CCT2: variants seen among roughly 807,000 people sequenced by gnomAD.
CCT2 encodes the protein chaperonin containing TCP1 subunit 2.
A neutral mutation model predicts 61.8 loss-of-function variants in CCT2; 18 were observed. That is an observed-to-expected ratio of 0.29 (90% CI 0.20 to 0.43). The LOEUF (loss-of-function observed/expected upper bound fraction) is 0.43, where lower values mean the gene tolerates loss of function less well. Ranked by LOEUF, CCT2 falls within the 20% of genes least tolerant of loss-of-function variation. The pLI is 1.00. For synonymous variants in CCT2, 248 were observed against 215.9 expected (o/e 1.15, Z -1.30); for missense variants, 556 against 656.9 (o/e 0.85, Z 1.68).
intron 2 of CCT2, 45 bp downstream of exon 2, chr12:69,586,389 C>T (rs1045065569): frequency 1.4e-6 from 2 of 1,392,032 alleles, no homozygotes; most frequent in Middle Eastern, 1.8e-4. Flanking sequence ...AACTGGAGGC[C>T]AGGCGCGGTG....
At chr12:69,597,875 AT>A in intron 12 of CCT2, 92 bp from the exon 13 acceptor site, 1 of 1,426,016 alleles carries the variant, frequency 7.0e-7, no homozygotes, top group Non-Finnish European at 9.7e-7. Flanking sequence ...TTTGCACTAA[AT>A]TTTAAAATGC....
intron 15 of CCT2, among the ~76,000 whole-genome samples, chr12:69,600,722 C>T (rs959560924): frequency 2.0e-5 from 3 of 152,164 alleles, no homozygotes; most frequent in Admixed American, 6.5e-5. Flanking sequence ...TAATGCTGTA[C>T]TCTTTGATCT....
chr12:69,597,363 A>AT, intron 11 of CCT2, 88 bp downstream of exon 11: 1 of 1,452,910 alleles, frequency 6.9e-7, no homozygotes, highest in Non-Finnish European at 9.5e-7. Context: ...CTAGAATAGC[A>AT]TATCTTACAA....
chr12:69,598,272 G>A (rs1882048891), intron 13 of CCT2, 50 bp from the exon 14 acceptor site: 1 of 1,319,910 alleles, frequency 7.6e-7, no homozygotes, highest in Non-Finnish European at 1.1e-6. Context: ...GAGTAAATCA[G>A]TGGTTCTTAC....
intron 10 of CCT2, among the ~76,000 whole-genome samples, chr12:69,594,406 G>GAACA (rs1243438240): frequency 6.6e-6 from 1 of 152,136 alleles, no homozygotes; most frequent in Non-Finnish European, 1.5e-5. Context: ...AAAAATTTCT[G>GAACA]AAAGTAATAA....
Position 69,593,042 on chromosome 12 carries a change from G to T in CCT2, c.817G>T (p.Glu273Ter). 1 of 1,613,148 alleles carries T rather than the reference G, an allele frequency of 6.2e-7. No homozygotes were observed. The highest frequency in any genetic ancestry group is 8.5e-7 in the Non-Finnish European group (1 of 1,179,336). The change falls in exon 9 of 16, where the codon GAA becomes TAA. Residue 273 changes from glutamate to a stop codon, truncating the protein, a stop_gained. Transcript: ENST00000299300. LOFTEE classifies it high-confidence loss of function. ...KVAEIEHAEK[E>*]KMKEKVERIL... ...TGCAGAAATAGAACATGCGGAAAAG[G>T]AAAAAATGAAGGAGAAAGTTGAACG... is the stretch of plus-strand genomic sequence containing the variant.
chr12:69,597,398 ACAT>A, intron 11 of CCT2, 123 bp downstream of exon 11: 1 of 1,245,980 alleles, frequency 8.0e-7, no homozygotes, highest in East Asian at 2.3e-5. Context: ...GAAGCATGAT[ACAT>A]ACTTTGTTTC....
At chr12:69,591,303 A>T (rs1432660343) in intron 7 of CCT2, among the ~76,000 whole-genome samples, 3 of 152,248 alleles carry the variant, frequency 2.0e-5, no homozygotes, top group African/African-American at 7.2e-5. Context: ...GTTCCAAAGC[A>T]GCAGGACTAG....
chr12:69,590,080 T>C (rs1881788463), intron 7 of CCT2, among the ~76,000 whole-genome samples: 1 of 152,220 alleles, frequency 6.6e-6, no homozygotes. Context: ...TTGAACAACA[T>C]GGGTTTGAAT....
intron 14 of CCT2, among the ~76,000 whole-genome samples, chr12:69,599,038 G>A (rs187502969): frequency 6.6e-6 from 1 of 152,284 alleles, no homozygotes; most frequent in East Asian, 1.9e-4. Flanking sequence ...TATTTGATAT[G>A]TTGTCTTCTA....
rs1462550677 is a variant in CCT2 at position 69,597,286 on chromosome 12, A to G, written c.1102+11A>G. 2 of 1,613,454 alleles carry G rather than the reference A, an allele frequency of 1.2e-6. No individual in the cohort carries two copies. Among genetic ancestry groups the G allele is most frequent in the Non-Finnish European group, 1.7e-6 (2 of 1,179,706 alleles). ...CTGGGGTTGCCCTTGGTGAGTGATT[A>G]TGTAGATCCTGGTTAGGGTGTCTAA... On this transcript the variant is annotated intron_variant, in intron 11 of 15. Transcript: ENST00000299300.
Position 69,585,513 on chromosome 12 carries a change from C to A in CCT2, c.-9C>A. ...GGGGATTCACTTGTGTGCGGAACTC[C>A]TCGGAACCATGGTGAGCCTGACTCC... is the stretch of plus-strand genomic sequence containing the variant. On this transcript the variant is annotated 5_prime_UTR_variant, in exon 1 of 16. Transcript: ENST00000299300. 3 of 1,568,040 alleles carry A rather than the reference C, an allele frequency of 1.9e-6. No individual in the cohort carries two copies. In the East Asian group the frequency reaches 7.1e-5, roughly 37 times the overall value.
intron 6 of CCT2, 46 bp downstream of exon 6, chr12:69,588,308 C>A (rs1391626464): frequency 7.5e-7 from 1 of 1,336,392 alleles, no homozygotes; most frequent in South Asian, 1.2e-5. Flanking sequence ...AGTGTTCTTT[C>A]ATAACATGCT....
intron 8 of CCT2, chr12:69,592,415 G>A (rs539856421): frequency 7.8e-5 from 17 of 217,324 alleles, no homozygotes; most frequent in African/African-American, 1.4e-4. Context: ...CCCAGGAGGC[G>A]GAGGTTGCAC....
In CCT2 at chr12:69,593,877, C is replaced by T. The variant is rs199671492; in HGVS notation, c.982+264C>T. Among the ~76,000 whole-genome samples the T allele has an allele frequency of 3.9e-5, 6 of 152,152 alleles. No homozygotes were observed. In the East Asian group the frequency reaches 1.2e-3, roughly 29 times the overall value. The stretch of plus-strand genomic sequence containing the variant: ...TTTTGGCCAGGTGCAGTGGCTTGTG[C>T]CTGTAATCCCAGCACTTTGGGAGGC... On this transcript the variant is annotated intron_variant, in intron 10 of 15. Coordinates refer to ENST00000299300, the MANE Select transcript of CCT2 (RefSeq NM_006431.3).
intron 6 of CCT2, 53 bp from the exon 7 acceptor site, chr12:69,589,428 GATAA>G: frequency 8.0e-7 from 1 of 1,244,934 alleles, no homozygotes; most frequent in Admixed American, 1.8e-5. Context: ...TGAATATCTA[GATAA>G]ATTTTGAAAA....
chr12:69,595,123 CT>C (rs1881949509), intron 10 of CCT2, among the ~76,000 whole-genome samples: 2 of 152,108 alleles, frequency 1.3e-5, no homozygotes, highest in South Asian at 4.1e-4. Flanking sequence ...CTGTTTGGAA[CT>C]GCCATGAATA....
chr12:69,587,275 A>T (rs1881694544), intron 3 of CCT2: 1 of 433,164 alleles, frequency 2.3e-6, no homozygotes, highest in Non-Finnish European at 4.0e-6. Context: ...TTGTTTTTGC[A>T]GTTACGGTGT....
chr12:69,590,294 G>A (rs554684549), intron 7 of CCT2, among the ~76,000 whole-genome samples: 151 of 152,232 alleles, frequency 9.9e-4, no homozygotes, highest in Non-Finnish European at 1.9e-3. Flanking sequence ...GTATGTGGGC[G>A]TCTTGGAACC....
Sources: allele counts gnomAD v4.1 joint callset (sites outside exome capture counted in the v4.1 genomes callset), GRCh38; gene constraint gnomAD v4.1.1; transcripts MANE v1.5; gene names NCBI Gene and HGNC (gene_info 2026-07-23, HGNC 2026-07-21).